FNTB: variants seen among roughly 807,000 people sequenced by gnomAD.
FNTB encodes protein farnesyltransferase subunit beta.
In FNTB, 27 loss-of-function variants were observed where a neutral mutation model predicts 59.4. The observed-to-expected ratio is 0.45, with a 90% CI of 0.34 to 0.63. The LOEUF is 0.63. FNTB is among the 20% of genes least tolerant of loss of function. The pLI is 0.02. For missense variants in FNTB, 449 were observed against 559.6 expected, an observed-to-expected ratio of 0.80 and a Z score of 1.99; for synonymous variants, 230 against 220.7, an observed-to-expected ratio of 1.04 and a Z score of -0.37.
At chr14:65,034,701 G>A (rs898438656) in intron 7 of FNTB, among the ~76,000 whole-genome samples, 5 of 152,268 alleles carry the variant, frequency 3.3e-5, no homozygotes, top group South Asian at 2.1e-4. Context: ...TTCTTTATGA[G>A]TGCATTTTTC....
rs2062001784 is a variant in FNTB at position 65,027,347 on chromosome 14, T to C, written c.375-106T>C. ...TGGGAGGAGAGGTTCCCCTCAACTTTTGAGGGAGTGGGGGATCATTGGAAA... is the reference window on the plus strand; with the variant it reads ...TGGGAGGAGAGGTTCCCCTCAACTTCTGAGGGAGTGGGGGATCATTGGAAA... On this transcript the variant is annotated intron_variant, in intron 4 of 11. Transcript: ENST00000246166. The surrounding 1 kb of genome is among the most constrained non-coding windows in gnomAD (Gnocchi z 5.7). 4 of 1,536,640 alleles carry C rather than the reference T, an allele frequency of 2.6e-6. No homozygotes were observed. The highest frequency in any genetic ancestry group is 1.4e-5 in the African/African-American group (1 of 72,816).
rs747112544 is a variant in FNTB at position 65,054,645 on chromosome 14, G to A, written c.1138G>A (p.Ala380Thr). The stretch of plus-strand genomic sequence containing the variant: ...CATAGCCCAGCACTTCGGCAGCGGA[G>A]CCATGTTGCATGATGTGGTCCTGGG... ...LSIAQHFGSG[A>T]MLHDVVLGVP... Residue 380 changes from alanine (A) to threonine (T), a missense_variant, in exon 11 of 12, where the codon GCC (alanine) becomes ACC (threonine). Coordinates refer to ENST00000246166, the MANE Select transcript of FNTB (RefSeq NM_002028.4). The surrounding 1 kb of genome is among the most constrained non-coding windows in gnomAD (Gnocchi z 4.4). 2 of 1,613,656 alleles carry A rather than the reference G, an allele frequency of 1.2e-6. No individual in the cohort carries two copies.
rs2062050928 is a variant in FNTB, at chr14:65,030,075, C to G, written c.605+2294C>G. Among the ~76,000 whole-genome samples, 1 of 152,172 alleles carries G rather than the reference C, an allele frequency of 6.6e-6. No homozygotes were observed. The highest frequency in any genetic ancestry group is 6.5e-5 in the Admixed American group (1 of 15,270). ...TTTCCTCCCCATCTCAGCGTGAGACCTGGGACTCCTGTCTTCTGTCATCAC... is the reference window on the plus strand; with the variant it reads ...TTTCCTCCCCATCTCAGCGTGAGACGTGGGACTCCTGTCTTCTGTCATCAC... On this transcript the variant is annotated intron_variant, in intron 6 of 11. Transcript: ENST00000246166. The surrounding 1 kb of genome is among the most constrained non-coding windows in gnomAD (Gnocchi z 4.5).
intron 9 of FNTB, among the ~76,000 whole-genome samples, chr14:65,048,930 G>C (rs1317698332): frequency 1.3e-5 from 2 of 152,096 alleles, no homozygotes; most frequent in Non-Finnish European, 2.9e-5. Context: ...TTCAAGACCA[G>C]CCTGGCCAAC....
intron 2 of FNTB, among the ~76,000 whole-genome samples, chr14:65,004,686 G>A (rs1010593000): frequency 6.6e-6 from 1 of 151,430 alleles, no homozygotes; most frequent in Admixed American, 6.6e-5. Context: ...TTTTGAGACA[G>A]CGTTTCGCTC....
rs554735963 is a variant in FNTB at position 65,000,955 on chromosome 14, G to T, written c.145-3294G>T. Reference sequence around the variant, plus strand: ...TTACATAAGGTATACATTATTCTTTGTATCACAAATTCCAGGAACATGAAG... The same window carrying T: ...TTACATAAGGTATACATTATTCTTTTTATCACAAATTCCAGGAACATGAAG... On this transcript the variant is annotated intron_variant, in intron 1 of 11. Transcript: ENST00000246166. Among the ~76,000 whole-genome samples, 6 of 150,682 alleles carry T rather than the reference G, an allele frequency of 4.0e-5. No individual in the cohort carries two copies. The East Asian group carries it at 7.9e-4, about 20-fold the overall frequency.
chr14:65,019,983 A>G (rs1396349777), intron 4 of FNTB, among the ~76,000 whole-genome samples: 2 of 152,190 alleles, frequency 1.3e-5, no homozygotes, highest in East Asian at 1.9e-4. Flanking sequence ...CTTCATACAA[A>G]TATATTAAGG....
In FNTB at chr14:65,049,125, T is replaced by TA. The variant is rs59771962; in HGVS notation, c.956-4097dup. Among the ~76,000 whole-genome samples the TA allele has an allele frequency of 1.9e-3, 265 of 139,742 alleles. 5 individuals are homozygous for TA. The South Asian group carries it at 0.04, about 21-fold the overall frequency. 91.7% of individuals were successfully genotyped at this position (139,742 alleles called of 152,430 possible). A position where few individuals can be genotyped will look rare whatever the true frequency, so the allele number is the denominator to read the frequency against. ...CTGGGTAACAGGGCAGGACTCCGTC[T>TA]AAAAAAAAAAAAAAAAGGCTTAAGA... On this transcript the variant is annotated intron_variant, in intron 9 of 11. Coordinates refer to ENST00000246166, the MANE Select transcript of FNTB (RefSeq NM_002028.4).
At position 65,012,253 on chromosome 14, in the gene FNTB, C is replaced by G. The variant is rs75959394; in HGVS notation, c.210-64C>G. On this transcript the variant is annotated intron_variant, in intron 2 of 11. Coordinates refer to ENST00000246166, the MANE Select transcript of FNTB (RefSeq NM_002028.4). The surrounding 1 kb of genome is among the most constrained non-coding windows in gnomAD (Gnocchi z 5.0). ...GTTTACCCGTGTGTGTGTACGTGCA[C>G]ATACGTGTGTATGGTGGAAGCATAA... is the stretch of plus-strand genomic sequence containing the variant. 4 of 1,604,080 alleles carry G rather than the reference C, an allele frequency of 2.5e-6. No homozygotes were observed. In the South Asian group the frequency reaches 4.4e-5, roughly 18 times the overall value.
rs111891141 is a variant in FNTB at position 65,022,206 on chromosome 14, C to T, written c.375-5247C>T. On this transcript the variant is annotated intron_variant, in intron 4 of 11. Coordinates refer to ENST00000246166, the MANE Select transcript of FNTB (RefSeq NM_002028.4). ...CTTGATGTGATGCCAGCTCATGCAT[C>T]TTGCATTTACATCCCCTCCTAAGCC... 2,116 of 384,988 alleles carry T rather than the reference C, an allele frequency of 5.5e-3. 37 individuals carry two copies. The highest frequency in any genetic ancestry group is 0.019 in the African/African-American group (933 of 48,270). 23.8% of individuals were successfully genotyped at this position (384,988 alleles called of 1,614,324 possible).
At chr14:65,033,018 C>G (rs1178583913) in intron 7 of FNTB, among the ~76,000 whole-genome samples, 1 of 152,110 alleles carries the variant, frequency 6.6e-6, no homozygotes, top group Non-Finnish European at 1.5e-5. Context: ...CCAGTAATTC[C>G]ACTCCCACAG....
chr14:65,033,836 G>A (rs139388339), intron 7 of FNTB, among the ~76,000 whole-genome samples: 1 of 152,120 alleles, frequency 6.6e-6, no homozygotes, highest in African/African-American at 2.4e-5. Flanking sequence ...CAGCCTGGGC[G>A]ACAGGGCGAG....
chr14:65,055,177 T>G (rs2062704064), intron 11 of FNTB, among the ~76,000 whole-genome samples: 1 of 147,280 alleles, frequency 6.8e-6, no homozygotes, highest in South Asian at 2.2e-4. Context: ...TTTACTCAGT[T>G]GGTGGTGTGT....
chr14:65,011,742 A>G lies in FNTB; in HGVS notation c.210-575A>G, dbSNP rs1000029483. Reference sequence around the variant, plus strand: ...TATTGCTGACTTGAAAGCCAAGGACAGCGACTGGCTGCAGAACACGGTCCT... The same window carrying G: ...TATTGCTGACTTGAAAGCCAAGGACGGCGACTGGCTGCAGAACACGGTCCT... On this transcript the variant is annotated intron_variant, in intron 2 of 11. Transcript: ENST00000246166. This position sits in a 1 kb window ranked among gnomAD's most constrained non-coding sequence, Gnocchi z 4.0. Among the ~76,000 whole-genome samples, 1 of 152,208 alleles carries G rather than the reference A, an allele frequency of 6.6e-6. No individual in the cohort carries two copies. The highest frequency in any genetic ancestry group is 1.5e-5 in the Non-Finnish European group (1 of 68,032).
chr14:65,026,124 C>T (rs2061976209), intron 4 of FNTB, among the ~76,000 whole-genome samples: 2 of 152,138 alleles, frequency 1.3e-5, no homozygotes, highest in South Asian at 4.1e-4. Flanking sequence ...TGAAAGCGCC[C>T]AGGAAAGAAG....
chr14:65,002,754 G>A (rs1402434679), intron 1 of FNTB, among the ~76,000 whole-genome samples: 4 of 152,260 alleles, frequency 2.6e-5, no homozygotes, highest in East Asian at 3.9e-4. Flanking sequence ...TAAGGGTTTT[G>A]GAGTGGGCTG....
At chr14:65,056,755 T>C (rs538126512) in intron 11 of FNTB, among the ~76,000 whole-genome samples, 1 of 152,356 alleles carries the variant, frequency 6.6e-6, no homozygotes, top group African/African-American at 2.4e-5. Context: ...TACATGTGTG[T>C]AGTGAATATC....
In FNTB at chr14:65,032,764, TAAAG is replaced by T; in HGVS notation, c.692+72_692+75del. On this transcript the variant is annotated intron_variant, in intron 7 of 11. Coordinates refer to ENST00000246166, the MANE Select transcript of FNTB (RefSeq NM_002028.4). The surrounding 1 kb of genome is among the most constrained non-coding windows in gnomAD (Gnocchi z 5.0). ...CGGTCACGACACTACTTCAGAAAAA[TAAAG>T]AAAATGCAGAGGGACTTGGAAGGAA... The T allele has an allele frequency of 1.4e-6, 2 of 1,480,224 alleles. No individual in the cohort carries two copies. The highest frequency in any genetic ancestry group is 2.4e-5 in the East Asian group (1 of 41,920). 91.7% of individuals were successfully genotyped at this position (1,480,224 alleles called of 1,614,324 possible).
At chr14:65,060,241 G>A (rs563131784) in intron 11 of FNTB, among the ~76,000 whole-genome samples, 4 of 151,962 alleles carry the variant, frequency 2.6e-5, no homozygotes, top group Non-Finnish European at 5.9e-5. Flanking sequence ...TTAATATTTT[G>A]GTATGGGTAC....
Sources: gnomAD v4.1 joint callset for allele counts (sites outside exome capture counted in the v4.1 genomes callset) on GRCh38, gnomAD v4.1.1 for gene constraint, Gnocchi (gnomAD v3.1) non-coding constraint, MANE v1.5 for transcripts, NCBI Gene and HGNC (gene_info 2026-07-23, HGNC 2026-07-21) for gene names.